PRDM2: variants seen among roughly 807,000 people sequenced by gnomAD.
PRDM2 encodes PR/SET domain 2.
Under a neutral mutation model 130.0 loss-of-function variants are expected in PRDM2, and 30 were observed. The observed-to-expected ratio is 0.23, with a 90% CI of 0.17 to 0.31. PRDM2 has a LOEUF of 0.31. Ranked by LOEUF, PRDM2 falls within the 10% of genes least tolerant of loss-of-function variation. PRDM2 has a pLI of 1.00. For missense variants in PRDM2, 2,011 were observed against 2,108.4 expected (o/e 0.95, Z 0.90); for synonymous variants, 871 against 782.4 (o/e 1.11, Z -1.89).
intron 8 of PRDM2, among the ~76,000 whole-genome samples, chr1:13,811,089 C>G (rs377686395): frequency 6.6e-6 from 1 of 151,768 alleles, no homozygotes; most frequent in South Asian, 2.1e-4. Context: ...GAGGCTGAGG[C>G]GGGAGAATCG....
At chr1:13,814,298 C>T (rs1038872160) in intron 8 of PRDM2, among the ~76,000 whole-genome samples, 3 of 152,122 alleles carry the variant, frequency 2.0e-5, no homozygotes, top group Non-Finnish European at 2.9e-5. Flanking sequence ...CTTGCACAGG[C>T]GAGTAGACTG....
intron 6 of PRDM2, among the ~76,000 whole-genome samples, chr1:13,769,970 G>C (rs1375877822): frequency 2.0e-5 from 3 of 152,098 alleles, no homozygotes; most frequent in Non-Finnish European, 2.9e-5. Context: ...AGTGGCTACA[G>C]GTGCAGTTAA....
rs146881901 is a variant in PRDM2 at position 13,810,024 on chromosome 1, G to A, written c.5037-6403G>A. On this transcript the variant is annotated intron_variant, in intron 8 of 9. Transcript: ENST00000311066. The stretch of plus-strand genomic sequence containing the variant: ...CTTACAAGGCACAAGCACTAATCCC[G>A]TCATGAATGTCCCATCCTCATGACC... Among the ~76,000 whole-genome samples, 9 of 151,920 alleles carry A rather than the reference G, an allele frequency of 5.9e-5. 1 individual carries two copies. Among genetic ancestry groups the A allele is most frequent in the African/African-American group, 1.9e-4 (8 of 41,400 alleles).
intron 1 of PRDM2, among the ~76,000 whole-genome samples, chr1:13,710,896 C>T (rs1642348372): frequency 6.6e-6 from 1 of 152,090 alleles, no homozygotes; most frequent in Non-Finnish European, 1.5e-5. Flanking sequence ...AGCTTCCTGG[C>T]TAACACAGTG....
At chr1:13,802,566 C>T (rs1645024959) in intron 8 of PRDM2, among the ~76,000 whole-genome samples, 1 of 152,206 alleles carries the variant, frequency 6.6e-6, no homozygotes, top group Admixed American at 6.5e-5. Context: ...GGGGTGAGCT[C>T]TTCTTTTCTT....
At chr1:13,713,151 A>G (rs969906291) in intron 1 of PRDM2, among the ~76,000 whole-genome samples, 24 of 152,070 alleles carry the variant, frequency 1.6e-4, no homozygotes, top group Admixed American at 2.6e-4. Context: ...TGTAGTAACT[A>G]TCTCCCTCTC....
intron 8 of PRDM2, among the ~76,000 whole-genome samples, chr1:13,800,965 C>T (rs1330648690): frequency 6.6e-6 from 1 of 152,236 alleles, no homozygotes; most frequent in Non-Finnish European, 1.5e-5. Context: ...GTGACCCGCT[C>T]AGGCTGCTGG....
chr1:13,716,233 A>G (rs992507299), intron 2 of PRDM2, among the ~76,000 whole-genome samples: 3 of 147,936 alleles, frequency 2.0e-5, no homozygotes, highest in African/African-American at 7.4e-5. Context: ...TCTTATTCAT[A>G]GGTGGGAATT....
chr1:13,755,797 T>C (rs1168904930), intron 6 of PRDM2, among the ~76,000 whole-genome samples: 1 of 152,262 alleles, frequency 6.6e-6, no homozygotes, highest in Middle Eastern at 3.4e-3. Flanking sequence ...AAAATAACTT[T>C]TAAAGTTTAT....
intron 6 of PRDM2, among the ~76,000 whole-genome samples, chr1:13,761,716 G>A (rs1473696469): frequency 6.6e-6 from 1 of 152,060 alleles, no homozygotes; most frequent in African/African-American, 2.4e-5. Flanking sequence ...CCACCACAGT[G>A]AACCAGTATG....
At chr1:13,788,818 A>G (rs914242688) in intron 8 of PRDM2, among the ~76,000 whole-genome samples, 1 of 152,214 alleles carries the variant, frequency 6.6e-6, no homozygotes, top group African/African-American at 2.4e-5. Flanking sequence ...CTGGCCGTTC[A>G]TCCCTTCCCT....
At chr1:13,727,601 C>A (rs143504874) in intron 2 of PRDM2, among the ~76,000 whole-genome samples, 2 of 152,162 alleles carry the variant, frequency 1.3e-5, no homozygotes, top group Non-Finnish European at 2.9e-5. Flanking sequence ...GCATGTGTCC[C>A]CTTTTTTGTG....
At chr1:13,717,705 T>C (rs4662020) in intron 2 of PRDM2, among the ~76,000 whole-genome samples, 142,024 of 151,428 alleles carry the variant, frequency 0.94, 66,912 homozygotes, top group East Asian at 1. Flanking sequence ...GGCTCTTTTA[T>C]AATTTCGTTT....
In PRDM2 at chr1:13,774,539, G is replaced by GT. The variant is rs978182413; in HGVS notation, c.622+1359dup. On this transcript the variant is annotated intron_variant, in intron 7 of 9. Transcript: ENST00000311066. Reference sequence around the variant, plus strand: ...CCTCCTCATTGCAGGTGTGCCGAGAGTTTTTTTTGAACAACAAAAATTACT... The same window carrying GT: ...CCTCCTCATTGCAGGTGTGCCGAGAGTTTTTTTTTGAACAACAAAAATTACT... Among the ~76,000 whole-genome samples, 4 of 151,944 alleles carry GT rather than the reference G, an allele frequency of 2.6e-5. No individual in the cohort carries two copies. In the South Asian group the frequency reaches 8.3e-4, roughly 32 times the overall value.
chr1:13,789,310 CGTT>C (rs1405514229), intron 8 of PRDM2, among the ~76,000 whole-genome samples: 1 of 152,210 alleles, frequency 6.6e-6, no homozygotes, highest in African/African-American at 2.4e-5. Context: ...GTCTTGTCCT[CGTT>C]GTTACAAGTA....
chr1:13,772,312 T>C (rs1424827375), intron 6 of PRDM2: 1 of 152,250 alleles, frequency 6.6e-6, no homozygotes, highest in Non-Finnish European at 1.5e-5. Flanking sequence ...TATAGATAAT[T>C]GTTTCTTATC....
chr1:13,772,114 T>TG (rs1172305747), intron 6 of PRDM2: 2 of 152,196 alleles, frequency 1.3e-5, no homozygotes, highest in African/African-American at 4.8e-5. Flanking sequence ...GAGGTTTGTC[T>TG]GGGGGAGAGC....
chr1:13,807,889 C>T (rs977670014), intron 8 of PRDM2, among the ~76,000 whole-genome samples: 1 of 152,158 alleles, frequency 6.6e-6, no homozygotes, highest in African/African-American at 2.4e-5. Flanking sequence ...TCCTATGAGC[C>T]GGGAGTGGAC....
Position 13,780,726 on chromosome 1 carries a change from C to A in PRDM2, c.2931C>A (p.Pro977=), listed in dbSNP as rs772248707. Residue 977 remains proline (P), a synonymous_variant, in exon 8 of 10, where the codon CCC becomes CCA. Transcript: ENST00000311066. The part of the protein sequence containing the change: ...PTDPSSPPPC[P]PVLTVATPPP... ...ATCCCTCTTCCCCTCCACCCTGTCC[C>A]CCGGTATTAACTGTTGCCACTCCGC... is the stretch of plus-strand genomic sequence containing the variant. 1 of 1,595,010 alleles carries A rather than the reference C, an allele frequency of 6.3e-7. No individual in the cohort carries two copies. Among genetic ancestry groups the A allele is most frequent in the Non-Finnish European group, 8.6e-7 (1 of 1,168,920 alleles).
Sources: allele counts gnomAD v4.1 joint callset (sites outside exome capture counted in the v4.1 genomes callset), GRCh38; gene constraint gnomAD v4.1.1; transcripts MANE v1.5; gene names NCBI Gene and HGNC (gene_info 2026-07-23, HGNC 2026-07-21).